The following MOXD1 variants were observed in gnomAD, a reference collection of about 807,000 sequenced individuals.
MOXD1 encodes the protein DBH-like monooxygenase protein 1.
In MOXD1, 62 loss-of-function variants were observed where a neutral mutation model predicts 66.6. That is an observed-to-expected ratio of 0.93 (90% CI 0.76 to 1.15). MOXD1 has a LOEUF of 1.15. Among genes scored for constraint, MOXD1 ranks in the 50% most tolerant of loss-of-function variants. The pLI is 0.00. For missense variants in MOXD1, 847 were observed against 754.6 expected (o/e 1.12, Z -1.44); for synonymous variants, 303 against 281.9 (o/e 1.07, Z -0.75).
chr6:132,311,967 T>C (rs529133358), intron 10 of MOXD1, among the ~76,000 whole-genome samples: 1 of 152,234 alleles, frequency 6.6e-6, no homozygotes, highest in East Asian at 1.9e-4. Flanking sequence ...CAGCTATTGA[T>C]GCTTTTTTAG....
chr6:132,349,452 CATATATATATAT>C (rs1197053952), intron 4 of MOXD1, among the ~76,000 whole-genome samples: 4 of 74,200 alleles, frequency 5.4e-5, no homozygotes, highest in African/African-American at 1.5e-4. Context: ...TATATATATA[CATATATATATAT>C]ACATATATAT....
chr6:132,372,425 A>C (rs1776281183), intron 4 of MOXD1, among the ~76,000 whole-genome samples, 183 bp downstream of exon 4: 1 of 152,224 alleles, frequency 6.6e-6, no homozygotes, highest in Non-Finnish European at 1.5e-5. Context: ...AAAATATTAG[A>C]TATAATCCAA....
intron 1 of MOXD1, among the ~76,000 whole-genome samples, chr6:132,377,890 G>A (rs1776426334): frequency 6.6e-6 from 1 of 152,100 alleles, no homozygotes; most frequent in South Asian, 2.1e-4. Flanking sequence ...CAATTTAGGA[G>A]GCCAAGGGGG....
chr6:132,333,057 C>G (rs1175076953), intron 4 of MOXD1, among the ~76,000 whole-genome samples: 3 of 152,130 alleles, frequency 2.0e-5, no homozygotes, highest in Non-Finnish European at 4.4e-5. Context: ...TGAGGCTGGG[C>G]CGGGCGCTGT....
chr6:132,361,541 T>G (rs909910101), intron 4 of MOXD1, among the ~76,000 whole-genome samples: 2 of 152,160 alleles, frequency 1.3e-5, no homozygotes, highest in African/African-American at 4.8e-5. Context: ...TGCCATAAAA[T>G]GTAACTTGAC....
intron 10 of MOXD1, among the ~76,000 whole-genome samples, chr6:132,308,237 A>G (rs1036027334): frequency 6.6e-6 from 1 of 152,190 alleles, no homozygotes; most frequent in Non-Finnish European, 1.5e-5. Context: ...AGAGAATATA[A>G]ACACCTCTAT....
At chr6:132,347,207 C>A (rs1025420930) in intron 4 of MOXD1, among the ~76,000 whole-genome samples, 1 of 152,076 alleles carries the variant, frequency 6.6e-6, no homozygotes, top group Non-Finnish European at 1.5e-5. Flanking sequence ...TAGTGGCAGG[C>A]TTAGATTTGC....
At chr6:132,339,398 T>G (rs1003997460) in intron 4 of MOXD1, among the ~76,000 whole-genome samples, 1 of 152,104 alleles carries the variant, frequency 6.6e-6, no homozygotes, top group African/African-American at 2.4e-5. Flanking sequence ...AAGCCCCACC[T>G]ATATCTACAT....
rs191105506 is a variant in MOXD1, at chr6:132,392,414, C to G, written c.264+8749G>C. 12 of 1,407,806 alleles carry G rather than the reference C, an allele frequency of 8.5e-6. No homozygotes were observed. The South Asian group carries it at 1.3e-4, about 15-fold the overall frequency. 87.2% of individuals were successfully genotyped at this position (1,407,806 alleles called of 1,614,324 possible). The stretch of plus-strand genomic sequence containing the variant: ...AACAGGCATATTCAACAACGTTGCT[C>G]TCTTCTCTAATTCACACAAACTCAG... On this transcript the variant is annotated intron_variant, in intron 1 of 11. Transcript: ENST00000367963.
intron 1 of MOXD1, chr6:132,391,415 G>A (rs1776760976): frequency 6.6e-6 from 1 of 152,090 alleles, no homozygotes; most frequent in Non-Finnish European, 1.5e-5. Flanking sequence ...TTGCGTATAT[G>A]CTATATGGTG....
At chr6:132,323,873 A>G in intron 7 of MOXD1, 58 bp downstream of exon 7, 1 of 1,464,742 alleles carries the variant, frequency 6.8e-7, no homozygotes, top group Non-Finnish European at 9.1e-7. Context: ...TTCACACCAC[A>G]GTTTCTAAGA....
intron 6 of MOXD1, among the ~76,000 whole-genome samples, chr6:132,324,772 C>T (rs1384410364): frequency 3.3e-5 from 5 of 152,150 alleles, no homozygotes; most frequent in African/African-American, 9.7e-5. Flanking sequence ...AAATTCATTT[C>T]ATTAACTTGG....
chr6:132,393,703 C>T (rs72994861), intron 1 of MOXD1, among the ~76,000 whole-genome samples: 25,509 of 152,114 alleles, frequency 0.17, 2,559 homozygotes, highest in Middle Eastern at 0.25. Flanking sequence ...ATTATGAAAG[C>T]CCCGCCCCTG....
intron 9 of MOXD1, among the ~76,000 whole-genome samples, chr6:132,320,147 G>T (rs1242869196): frequency 2.0e-5 from 3 of 152,024 alleles, no homozygotes; most frequent in Non-Finnish European, 4.4e-5. Context: ...CCCTCTTTTA[G>T]TGTTCCTGAA....
At chr6:132,399,223 A>G (rs1776966459) in intron 1 of MOXD1, among the ~76,000 whole-genome samples, 1 of 152,226 alleles carries the variant, frequency 6.6e-6, no homozygotes, top group African/African-American at 2.4e-5. Context: ...ATATGTCCTA[A>G]AATGAGTAGA....
chr6:132,305,542 C>T (rs1774669839), intron 10 of MOXD1, among the ~76,000 whole-genome samples: 1 of 152,222 alleles, frequency 6.6e-6, no homozygotes, highest in African/African-American at 2.4e-5. Context: ...AGTCCTGTTC[C>T]CTATGCCAGC....
At chr6:132,351,449 AC>A (rs1194019942) in intron 4 of MOXD1, among the ~76,000 whole-genome samples, 1 of 152,090 alleles carries the variant, frequency 6.6e-6, no homozygotes, top group African/African-American at 2.4e-5. Flanking sequence ...ACATTTACTG[AC>A]TTGCCTATGC....
At chr6:132,384,018 C>T (rs528622797) in intron 1 of MOXD1, among the ~76,000 whole-genome samples, 1 of 151,956 alleles carries the variant, frequency 6.6e-6, no homozygotes, top group Non-Finnish European at 1.5e-5. Context: ...TGCAGTGAGC[C>T]GAGATCATCC....
chr6:132,355,904 A>G (rs756401117), intron 4 of MOXD1, among the ~76,000 whole-genome samples: 3 of 152,268 alleles, frequency 2.0e-5, no homozygotes, highest in Non-Finnish European at 4.4e-5. Flanking sequence ...AATGAAATTC[A>G]AAGATGAAAA....
Sources: gnomAD v4.1 joint callset for allele counts (sites outside exome capture counted in the v4.1 genomes callset) on GRCh38, gnomAD v4.1.1 for gene constraint, MANE v1.5 for transcripts, NCBI Gene and HGNC (gene_info 2026-07-23, HGNC 2026-07-21) for gene names.